ZNF638: variants seen among roughly 807,000 people sequenced by gnomAD.
ZNF638 encodes the protein zinc finger protein 638, also known as CTCL tumor antigen se33-1.
A neutral mutation model predicts 195.6 loss-of-function variants in ZNF638; 46 were observed. The observed-to-expected ratio is 0.24, with a 90% CI of 0.19 to 0.30. The LOEUF (loss-of-function observed/expected upper bound fraction) is 0.30. Ranked by LOEUF, ZNF638 falls within the 10% of genes least tolerant of loss-of-function variation. The pLI is 1.00. For missense variants in ZNF638, 2,440 were observed against 2,325.3 expected (o/e 1.05, Z -1.01); for synonymous variants, 845 against 772.0 (o/e 1.09, Z -1.57).
intron 2 of ZNF638, among the ~76,000 whole-genome samples, chr2:71,352,967 C>T (rs924104308): frequency 6.6e-6 from 1 of 152,186 alleles, no homozygotes; most frequent in Non-Finnish European, 1.5e-5. Flanking sequence ...GAATGGGGCT[C>T]ATCTAAGTAA....
intron 15 of ZNF638, 75 bp from the exon 16 acceptor site, chr2:71,401,881 T>C (rs2080014116): frequency 7.7e-7 from 1 of 1,293,048 alleles, no homozygotes; most frequent in South Asian, 1.6e-5. Flanking sequence ...TAATATAACA[T>C]GATACACAGT....
intron 11 of ZNF638, 57 bp from the exon 12 acceptor site, chr2:71,398,644 G>A (rs2104422848): frequency 1.5e-6 from 2 of 1,306,646 alleles, no homozygotes; most frequent in Non-Finnish European, 2.2e-6. Context: ...GAGGTTCTTT[G>A]GAGATTGTTG....
At chr2:71,393,655 A>G in intron 10 of ZNF638, 1 of 717,424 alleles carries the variant, frequency 1.4e-6, no homozygotes, top group Admixed American at 2.0e-5. Context: ...TGTAAGTTAC[A>G]ACTCACGTAG....
intron 10 of ZNF638, 113 bp from the exon 11 acceptor site, chr2:71,396,028 A>G (rs2079886335): frequency 3.4e-6 from 3 of 879,906 alleles, no homozygotes; most frequent in African/African-American, 1.7e-5. Context: ...AAAGATGAGT[A>G]TAGGGCTGTT....
At chr2:71,398,894 C>T (rs1344880235) in intron 12 of ZNF638, 122 bp downstream of exon 12, 2 of 888,318 alleles carry the variant, frequency 2.3e-6, no homozygotes, top group African/African-American at 1.7e-5. Context: ...ATATTTAAAA[C>T]CTGACCCATT....
Position 71,335,540 on chromosome 2 carries a change from CAAAA to C in ZNF638, c.-203+3671_-203+3674del, listed in dbSNP as rs367604811. Among the ~76,000 whole-genome samples the C allele has an allele frequency of 9.1e-3, 1,350 of 148,514 alleles. 21 individuals are homozygous for C. The highest frequency in any genetic ancestry group is 0.032 in the African/African-American group (1,282 of 40,474). On this transcript the variant is annotated intron_variant, in intron 1 of 27. Transcript: ENST00000264447. ...CAACTTTTGTTTTAAATATTTTTAC[CAAAA>C]AAAAAGAAACAAAACCATTTTACTA...
At chr2:71,429,959 C>T (rs1335292593) in intron 25 of ZNF638, among the ~76,000 whole-genome samples, 2 of 152,176 alleles carry the variant, frequency 1.3e-5, no homozygotes, top group South Asian at 2.1e-4. Context: ...TAGGTTCTCG[C>T]ATGATTTCAT....
intron 2 of ZNF638, among the ~76,000 whole-genome samples, chr2:71,353,874 A>G (rs2078981397): frequency 1.3e-5 from 2 of 152,350 alleles, no homozygotes; most frequent in Middle Eastern, 3.4e-3. Context: ...AACAGTGTCC[A>G]ATTAATATTA....
At chr2:71,350,368 G>T (rs1193406266) in intron 2 of ZNF638, 97 bp downstream of exon 2, 1 of 1,222,096 alleles carries the variant, frequency 8.2e-7, no homozygotes, top group Non-Finnish European at 1.1e-6. Context: ...AGGCGTTAAG[G>T]AAATGGCAGA....
chr2:71,417,197 T>C (rs3962339), intron 20 of ZNF638, among the ~76,000 whole-genome samples: 7 of 151,874 alleles, frequency 4.6e-5, no homozygotes, highest in African/African-American at 1.5e-4. Context: ...TTTCTTAAGC[T>C]GGTCTGAAAA....
chr2:71,379,238 C>T lies in ZNF638; in HGVS notation c.2266-984C>T, dbSNP rs143296113. 1.0e-3 allele frequency among the ~76,000 whole-genome samples: 155 copies of T among 152,224 alleles called. 5 individuals carry two copies. In the East Asian group the frequency reaches 0.023, roughly 23 times the overall value. On this transcript the variant is annotated intron_variant, in intron 8 of 27. Coordinates refer to ENST00000264447, the MANE Select transcript of ZNF638 (RefSeq NM_014497.5). ...TGTTTTTGAAAGTTACAGTAGTTCCCGTTTATCTGAGGCTTGGCTTTGCAG... is the reference window on the plus strand; with the variant it reads ...TGTTTTTGAAAGTTACAGTAGTTCCTGTTTATCTGAGGCTTGGCTTTGCAG...
chr2:71,426,536 C>G lies in ZNF638; in HGVS notation c.4667C>G (p.Ala1556Gly), dbSNP rs1443463106. 1 of 1,613,708 alleles carries G rather than the reference C, an allele frequency of 6.2e-7. No homozygotes were observed. Among genetic ancestry groups the G allele is most frequent in the South Asian group, 1.1e-5 (1 of 90,992 alleles). The change falls in exon 24 of 28, where the codon GCC (alanine) becomes GGC (glycine). Residue 1556 changes from alanine to glycine, a missense_variant. Transcript: ENST00000264447. ...ATAGAAGAAGTGAATCCTTCTCAGG[C>G]CAAGCAGAATCCACTAAAGGGAAAA... Reference protein sequence around the residue: ...EVIEEVNPSQAKQNPLKGKRK... With the variant: ...EVIEEVNPSQGKQNPLKGKRK...
chr2:71,428,969 C>T (rs1558888756), intron 25 of ZNF638: 1 of 207,164 alleles, frequency 4.8e-6, no homozygotes. Flanking sequence ...TGTCAGCAGC[C>T]AGCCAATGAA....
Position 71,426,965 on chromosome 2 carries a change from A to T in ZNF638, c.5096A>T (p.Asp1699Val), listed in dbSNP as rs1312253348. 1.2e-6 allele frequency: 2 copies of T among 1,612,900 alleles called. No homozygotes were observed. The highest frequency in any genetic ancestry group is 1.3e-5 in the African/African-American group (1 of 74,992). Residue 1699 changes from aspartate to valine, a missense_variant, in exon 24 of 28, where the codon GAC (aspartate) becomes GTC (valine). Transcript: ENST00000264447. Reference protein sequence around the residue: ...VEELPLNESADITFATLNTKG... With the variant: ...VEELPLNESAVITFATLNTKG... ...GAGCTACCTTTGAATGAGTCAGCAG[A>T]CATAACTTTTGCCACTTTAAATACT...
chr2:71,406,333 C>T, intron 19 of ZNF638, 71 bp downstream of exon 19: 3 of 1,352,592 alleles, frequency 2.2e-6, no homozygotes, highest in Non-Finnish European at 3.1e-6. Context: ...TTCTGACAAT[C>T]TGCAACTTCT....
intron 7 of ZNF638, among the ~76,000 whole-genome samples, chr2:71,368,759 T>C (rs947718583): frequency 5.9e-5 from 9 of 152,246 alleles, no homozygotes; most frequent in African/African-American, 2.2e-4. Context: ...TTTGGTTTTA[T>C]AAGCCATCTG....
At chr2:71,393,476 T>A (rs1444419758) in intron 10 of ZNF638, 1 of 717,790 alleles carries the variant, frequency 1.4e-6, no homozygotes, top group Admixed American at 2.0e-5. Context: ...GTGAAGGAAA[T>A]GATCCTGCAG....
intron 11 of ZNF638, among the ~76,000 whole-genome samples, chr2:71,396,556 T>A (rs1250837668): frequency 6.6e-6 from 1 of 152,232 alleles, no homozygotes; most frequent in Non-Finnish European, 1.5e-5. Flanking sequence ...TTTTCTCTTT[T>A]CCCTGGCATA....
intron 24 of ZNF638, 82 bp downstream of exon 24, chr2:71,427,496 T>A: frequency 9.5e-7 from 1 of 1,053,970 alleles, no homozygotes; most frequent in Non-Finnish European, 1.3e-6. Flanking sequence ...GTTGTGGCAT[T>A]ACCAATAATG....
Sources: gnomAD v4.1 joint callset for allele counts (sites outside exome capture counted in the v4.1 genomes callset) on GRCh38, gnomAD v4.1.1 for gene constraint, MANE v1.5 for transcripts, NCBI Gene and HGNC (gene_info 2026-07-23, HGNC 2026-07-21) for gene names.